SYNPO2: variants seen among roughly 807,000 people sequenced by gnomAD.
SYNPO2 encodes the protein synaptopodin 2.
In SYNPO2, 56 loss-of-function variants were observed where a neutral mutation model predicts 85.0. That is an observed-to-expected ratio of 0.66 (90% CI 0.53 to 0.82). The LOEUF (loss-of-function observed/expected upper bound fraction) is 0.82. SYNPO2 is among the 40% of genes least tolerant of loss of function. The pLI, the probability that SYNPO2 is intolerant of heterozygous loss-of-function variation, is 0.00. For missense variants in SYNPO2, 1,575 were observed against 1,534.2 expected (o/e 1.03, Z -0.44); for synonymous variants, 602 against 591.1 (o/e 1.02, Z -0.27).
chr4:119,033,500 T>C, intron 4 of SYNPO2: 1 of 985,404 alleles, frequency 1.0e-6, no homozygotes, highest in Non-Finnish European at 1.2e-6. Flanking sequence ...ATGGAAAATA[T>C]TCGACATGAA....
chr4:119,032,061 T>G (rs1738299149), intron 4 of SYNPO2, 34 bp downstream of exon 4: 1 of 1,608,516 alleles, frequency 6.2e-7, no homozygotes, highest in African/African-American at 1.3e-5. Context: ...AGAGTAATCT[T>G]GTAGCTGAAG....
At chr4:118,966,659 C>T (rs1475475717) in intron 1 of SYNPO2, among the ~76,000 whole-genome samples, 1 of 152,006 alleles carries the variant, frequency 6.6e-6, no homozygotes, top group Non-Finnish European at 1.5e-5. Flanking sequence ...CATATATATA[C>T]ACACACATAC....
chr4:119,032,353 G>C lies in SYNPO2; in HGVS notation c.3252+326G>C, dbSNP rs1738311468. 22 of 1,249,018 alleles carry C rather than the reference G, an allele frequency of 1.8e-5. No homozygotes were observed. In the South Asian group the frequency reaches 3.9e-4, roughly 22 times the overall value. 77.4% of individuals were successfully genotyped at this position (1,249,018 alleles called of 1,614,324 possible). Reference sequence around the variant, plus strand: ...GGATTTGTGCTGTAGCCACAAGAAAGACAGTGATCAGTGATATCAAACATC... The same window carrying C: ...GGATTTGTGCTGTAGCCACAAGAAACACAGTGATCAGTGATATCAAACATC... On this transcript the variant is annotated intron_variant, in intron 4 of 4. Coordinates refer to ENST00000307142, the MANE Select transcript of SYNPO2 (RefSeq NM_133477.3).
intron 1 of SYNPO2, among the ~76,000 whole-genome samples, chr4:118,879,785 G>T (rs776063969): frequency 3.9e-5 from 6 of 152,068 alleles, no homozygotes; most frequent in Non-Finnish European, 7.4e-5. Context: ...CAGCAGTCAG[G>T]TACGTAACTG....
intron 1 of SYNPO2, among the ~76,000 whole-genome samples, chr4:118,873,006 TG>T (rs1417402517): frequency 6.6e-6 from 1 of 152,168 alleles, no homozygotes; most frequent in Non-Finnish European, 1.5e-5. Flanking sequence ...TAATTTCACT[TG>T]TTTTTTTATG....
chr4:118,911,329 C>T (rs898824537), intron 1 of SYNPO2, among the ~76,000 whole-genome samples: 2 of 152,114 alleles, frequency 1.3e-5, no homozygotes, highest in Non-Finnish European at 2.9e-5. Context: ...GCATGAACTG[C>T]CTTGGTTATC....
At chr4:118,890,102 T>C (rs979348802) in intron 1 of SYNPO2, among the ~76,000 whole-genome samples, 1 of 152,108 alleles carries the variant, frequency 6.6e-6, no homozygotes, top group Non-Finnish European at 1.5e-5. Flanking sequence ...TTTGTAGTTA[T>C]TGTTTGTTTC....
chr4:118,867,794 T>C (rs1731727143), intron 1 of SYNPO2, among the ~76,000 whole-genome samples: 3 of 152,180 alleles, frequency 2.0e-5, no homozygotes, highest in Admixed American at 2.0e-4. Flanking sequence ...GTAGAAAGCA[T>C]GCCTCTGCTT....
rs764827268 is a variant in SYNPO2, at chr4:119,031,212, T to G, written c.2437T>G (p.Tyr813Asp). 6 of 1,613,988 alleles carry G rather than the reference T, an allele frequency of 3.7e-6. No individual in the cohort carries two copies. Among genetic ancestry groups the G allele is most frequent in the African/African-American group, 1.3e-5 (1 of 74,892 alleles). ...CTCCATCAAAATAGCCCAGCCTTCT[T>G]ACCCTCCTGCCCGGCCTGCAAGTAC... ...VSSIKIAQPS[Y>D]PPARPASTLN... Residue 813 changes from tyrosine to aspartate, a missense_variant, in exon 4 of 5, where the codon TAC (tyrosine) becomes GAC (aspartate). Physicochemically the swap from Tyr to Asp is radical, Grantham distance 160. Transcript: ENST00000307142.
At chr4:118,874,148 G>A (rs529088962) in intron 1 of SYNPO2, among the ~76,000 whole-genome samples, 1 of 152,268 alleles carries the variant, frequency 6.6e-6, no homozygotes, top group East Asian at 1.9e-4. Flanking sequence ...GTCAGGTAAT[G>A]TTATGTTATT....
At chr4:118,936,858 A>C (rs1734124765) in intron 1 of SYNPO2, among the ~76,000 whole-genome samples, 1 of 152,182 alleles carries the variant, frequency 6.6e-6, no homozygotes, top group Non-Finnish European at 1.5e-5. Flanking sequence ...GAAGTTGAGC[A>C]GTGGTTTAAG....
chr4:118,870,105 A>G (rs996050692), intron 1 of SYNPO2, among the ~76,000 whole-genome samples: 2 of 152,206 alleles, frequency 1.3e-5, no homozygotes, highest in Non-Finnish European at 2.9e-5. Flanking sequence ...TGGTCAGCTG[A>G]ACACTTACTC....
intron 4 of SYNPO2, chr4:119,036,344 C>A (rs562649745): frequency 2.0e-6 from 2 of 985,254 alleles, no homozygotes; most frequent in African/African-American, 3.5e-5. Context: ...TTCTAAGAAC[C>A]AACACTGTAT....
intron 1 of SYNPO2, among the ~76,000 whole-genome samples, chr4:119,009,192 A>T (rs41490144): frequency 6.6e-6 from 1 of 152,158 alleles, no homozygotes; most frequent in African/African-American, 2.4e-5. Context: ...ATTTTTGAAG[A>T]GCTAATTATT....
At chr4:118,943,892 A>C (rs1038465941) in intron 1 of SYNPO2, among the ~76,000 whole-genome samples, 2 of 152,206 alleles carry the variant, frequency 1.3e-5, no homozygotes, top group Non-Finnish European at 2.9e-5. Flanking sequence ...ACTCATATTG[A>C]GGTGTGTGTG....
At chr4:119,041,094 G>T (rs1477725860) in intron 4 of SYNPO2, among the ~76,000 whole-genome samples, 1 of 152,136 alleles carries the variant, frequency 6.6e-6, no homozygotes, top group Non-Finnish European at 1.5e-5. Context: ...ATTTTTGTGG[G>T]TTTTCTGGTA....
chr4:119,023,322 A>G, intron 1 of SYNPO2, 108 bp from the exon 2 acceptor site: 1 of 1,209,898 alleles, frequency 8.3e-7, no homozygotes, highest in Non-Finnish European at 1.1e-6. Context: ...CAGGTGAATT[A>G]AAATTCAGGG....
chr4:118,997,966 T>A (rs767161382), intron 1 of SYNPO2, among the ~76,000 whole-genome samples: 1 of 152,186 alleles, frequency 6.6e-6, no homozygotes, highest in Non-Finnish European at 1.5e-5. Flanking sequence ...ATCTTAGATG[T>A]CCCTGACTCC....
chr4:118,932,075 G>A (rs575761549), intron 1 of SYNPO2, among the ~76,000 whole-genome samples: 1 of 152,172 alleles, frequency 6.6e-6, no homozygotes, highest in South Asian at 2.1e-4. Context: ...TGGATTTTGT[G>A]GTCATCCACA....
Sources: gnomAD v4.1 joint callset for allele counts (sites outside exome capture counted in the v4.1 genomes callset) on GRCh38, gnomAD v4.1.1 for gene constraint, MANE v1.5 for transcripts, NCBI Gene and HGNC (gene_info 2026-07-23, HGNC 2026-07-21) for gene names.